TMEM131: variants seen among roughly 807,000 people sequenced by gnomAD.
TMEM131 encodes transmembrane protein 131.
Under a neutral mutation model 211.6 loss-of-function variants are expected in TMEM131, and 66 were observed. The observed-to-expected ratio is 0.31, with a 90% CI of 0.26 to 0.38. The LOEUF (loss-of-function observed/expected upper bound fraction) is 0.38. TMEM131 is among the 10% of genes least tolerant of loss of function. The pLI is 1.00. For synonymous variants in TMEM131, 844 were observed against 841.3 expected (o/e 1.00, Z -0.06); for missense variants, 2,036 against 2,299.3 (o/e 0.89, Z 2.34).
chr2:97,805,809 AAG>A, intron 19 of TMEM131, 106 bp from the exon 20 acceptor site: 1 of 1,025,124 alleles, frequency 9.8e-7, no homozygotes, highest in Non-Finnish European at 1.4e-6. Flanking sequence ...CAAAGCCCAA[AAG>A]ACATCTTAGA....
At position 97,759,639 on chromosome 2, in the gene TMEM131, G is replaced by A. The variant is rs1197397254; in HGVS notation, c.5206+13C>T. 1.2e-6 allele frequency: 2 copies of A among 1,602,130 alleles called. No homozygotes were observed. The highest frequency in any genetic ancestry group is 1.7e-6 in the Non-Finnish European group (2 of 1,170,912). On this transcript the variant is annotated intron_variant, in intron 39 of 40. Transcript: ENST00000186436. ...CAGGCTTATTAGTTACACATCTAGT[G>A]TTAAACACTCACCACCAGTTAGATT...
At chr2:97,878,878 CA>C (rs1179611447) in intron 4 of TMEM131, among the ~76,000 whole-genome samples, 3 of 151,842 alleles carry the variant, frequency 2.0e-5, no homozygotes, top group African/African-American at 7.2e-5. Context: ...AGCAAACAAA[CA>C]AAAAAACCAA....
chr2:97,873,478 C>A (rs1469229810), intron 4 of TMEM131, among the ~76,000 whole-genome samples: 1 of 152,240 alleles, frequency 6.6e-6, no homozygotes, highest in African/African-American at 2.4e-5. Context: ...TAGGGGCCAA[C>A]AGACACCTCA....
Position 97,757,684 on chromosome 2 carries a change from A to C in TMEM131, c.5368-301T>G, listed in dbSNP as rs769455771. ...CCAAAGTGCTGGGATTACAGGCACT[A>C]GCCATCATGCCGGCTAGTTGTGATA... On this transcript the variant is annotated intron_variant, in intron 40 of 40. Transcript: ENST00000186436. Among the ~76,000 whole-genome samples the C allele has an allele frequency of 4.5e-4, 69 of 152,284 alleles. No homozygotes were observed. In the Middle Eastern group the frequency reaches 0.027, roughly 60 times the overall value.
chr2:97,765,965 C>A, intron 35 of TMEM131, 149 bp downstream of exon 35: 1 of 939,296 alleles, frequency 1.1e-6, no homozygotes, highest in Non-Finnish European at 1.6e-6. Flanking sequence ...AGTTTAGCCA[C>A]TGATTAGGCT....
intron 1 of TMEM131, among the ~76,000 whole-genome samples, chr2:97,981,282 AATC>A (rs147132758): frequency 0.041 from 6,167 of 152,146 alleles, 218 homozygotes; most frequent in African/African-American, 0.094. Flanking sequence ...TTCATTCACA[AATC>A]ATCATGCTAT....
chr2:97,941,540 C>G (rs945364119), intron 1 of TMEM131, among the ~76,000 whole-genome samples: 4 of 152,144 alleles, frequency 2.6e-5, no homozygotes, highest in African/African-American at 9.7e-5. Flanking sequence ...AACAGGCAAC[C>G]TACAGAATGG....
intron 11 of TMEM131, among the ~76,000 whole-genome samples, chr2:97,820,136 C>A (rs978470567): frequency 6.6e-6 from 1 of 152,234 alleles, no homozygotes; most frequent in African/African-American, 2.4e-5. Flanking sequence ...GGACCTCAGG[C>A]TCTCTTGGCA....
chr2:97,772,901 ATAAAG>A (rs2104805290), intron 32 of TMEM131, among the ~76,000 whole-genome samples: 1 of 152,390 alleles, frequency 6.6e-6, no homozygotes, highest in East Asian at 1.9e-4. Context: ...ATCTCAAAAA[ATAAAG>A]TAAAATTTGT....
rs113168938 is a variant in TMEM131, at chr2:97,818,466, G to A, written c.1183+147C>T. ...AAGAGTTCATGATGGTTTACAGCGG[G>A]GGGGGGCGGGGGGGGATCAACCTAA... On this transcript the variant is annotated intron_variant, in intron 12 of 40. Coordinates refer to ENST00000186436, the MANE Select transcript of TMEM131 (RefSeq NM_015348.2). The A allele has an allele frequency of 2.3e-5, 7 of 303,780 alleles. 1 individual carries two copies. The highest frequency in any genetic ancestry group is 6.9e-5 in the African/African-American group (1 of 14,446). 18.8% of individuals were successfully genotyped at this position (303,780 alleles called of 1,614,324 possible). A position where few individuals can be genotyped will look rare whatever the true frequency, so the allele number is the denominator to read the frequency against.
chr2:97,756,742 A>G lies in TMEM131; in HGVS notation c.*357T>C, dbSNP rs1248415343. On this transcript the variant is annotated 3_prime_UTR_variant, in exon 41 of 41. Transcript: ENST00000186436. ...ATGCCAGGATTTCTGAATCAACTCA[A>G]ATTATTTCCTTAGCTGTAATGTCAA... 2 of 166,866 alleles carry G rather than the reference A, an allele frequency of 1.2e-5. No homozygotes were observed. Among genetic ancestry groups the G allele is most frequent in the Non-Finnish European group, 2.6e-5 (2 of 78,426 alleles). The allele number at this position is 166,866 out of a possible 1,614,324, so 10.3% of individuals were successfully genotyped here. A position where few individuals can be genotyped will look rare whatever the true frequency, so the allele number is the denominator to read the frequency against.
At chr2:97,921,699 C>T (rs1283865895) in intron 2 of TMEM131, among the ~76,000 whole-genome samples, 1 of 151,978 alleles carries the variant, frequency 6.6e-6, no homozygotes, top group Non-Finnish European at 1.5e-5. Flanking sequence ...AGAACCTCTA[C>T]AAAACAATGG....
chr2:97,816,285 G>A (rs1573403998), intron 12 of TMEM131, among the ~76,000 whole-genome samples: 1 of 152,132 alleles, frequency 6.6e-6, no homozygotes, highest in East Asian at 1.9e-4. Flanking sequence ...AGGCTGCAGT[G>A]AGCCGAGATT....
intron 17 of TMEM131, 99 bp downstream of exon 17, chr2:97,812,322 G>T: frequency 7.5e-7 from 1 of 1,324,784 alleles, no homozygotes. Flanking sequence ...ATTATGAACT[G>T]CATAAAAATA....
intron 11 of TMEM131, among the ~76,000 whole-genome samples, chr2:97,820,085 G>T (rs969749784): frequency 6.6e-6 from 1 of 152,178 alleles, no homozygotes; most frequent in Non-Finnish European, 1.5e-5. Context: ...GCAAGTGTTC[G>T]TTCACAGGGT....
chr2:97,760,736 G>A lies in TMEM131; in HGVS notation c.5012-47C>T, dbSNP rs748245948. On this transcript the variant is annotated intron_variant, in intron 37 of 40. Transcript: ENST00000186436. ...CAATGGAAGGCACATTAGGACAGAG[G>A]TCATTCCACCAGGCCTGGCGCCTGG... 7.4e-6 allele frequency: 12 copies of A among 1,613,872 alleles called. No homozygotes were observed. The Admixed American group carries it at 8.3e-5, about 11-fold the overall frequency.
chr2:97,966,525 C>T (rs1679066410), intron 1 of TMEM131, among the ~76,000 whole-genome samples: 1 of 152,108 alleles, frequency 6.6e-6, no homozygotes. Flanking sequence ...AACGACCAAT[C>T]CAGTGTCTGA....
chr2:97,854,474 C>T (rs1424853848), intron 5 of TMEM131, among the ~76,000 whole-genome samples: 4 of 152,170 alleles, frequency 2.6e-5, no homozygotes, highest in Non-Finnish European at 5.9e-5. Flanking sequence ...ACGTACCACT[C>T]TGGTCAGAGT....
At chr2:97,924,818 G>A (rs542615720) in intron 2 of TMEM131, among the ~76,000 whole-genome samples, 2 of 152,242 alleles carry the variant, frequency 1.3e-5, no homozygotes, top group Non-Finnish European at 2.9e-5. Context: ...TTTAGCTCAG[G>A]ACTCTCAACC....
Sources: allele counts gnomAD v4.1 joint callset (sites outside exome capture counted in the v4.1 genomes callset), GRCh38; gene constraint gnomAD v4.1.1; transcripts MANE v1.5; gene names NCBI Gene and HGNC (gene_info 2026-07-23, HGNC 2026-07-21).